Variants in BBX observed in about 807,000 individuals in gnomAD.
The protein encoded by BBX is BBX high mobility group box domain containing.
A neutral mutation model predicts 100.2 loss-of-function variants in BBX; 30 were observed. The observed-to-expected ratio is 0.30, with a 90% CI of 0.22 to 0.41. The LOEUF is 0.41. Ranked by LOEUF, BBX falls within the 10% of genes least tolerant of loss-of-function variation. The probability of loss-of-function intolerance (pLI) is 1.00; values close to 1 mark genes in which losing one functional copy is unlikely to be tolerated. For missense variants in BBX, 1,023 were observed against 1,129.8 expected, an observed-to-expected ratio of 0.91 and a Z score of 1.35; for synonymous variants, 376 against 388.1, an observed-to-expected ratio of 0.97 and a Z score of 0.37.
At chr3:107,754,618 A>G (rs942588349) in intron 9 of BBX, among the ~76,000 whole-genome samples, 9 of 152,194 alleles carry the variant, frequency 5.9e-5, no homozygotes, top group African/African-American at 1.9e-4. Flanking sequence ...TCCTGGAGCT[A>G]ACAACTTCGT....
At chr3:107,796,758 C>A (rs779446019) in intron 15 of BBX, among the ~76,000 whole-genome samples, 1 of 151,792 alleles carries the variant, frequency 6.6e-6, no homozygotes, top group Non-Finnish European at 1.5e-5. Flanking sequence ...CCACCACTGG[C>A]CTATGTTAAG....
intron 10 of BBX, among the ~76,000 whole-genome samples, chr3:107,769,227 T>TAGACAGACAGAC (rs755263869): frequency 1.1e-5 from 1 of 89,786 alleles, no homozygotes; most frequent in African/African-American, 3.9e-5. Context: ...GATAGATAGA[T>TAGACAGACAGAC]AGACAGATAG....
chr3:107,759,432 CG>C (rs2065729406), intron 10 of BBX, among the ~76,000 whole-genome samples: 1 of 152,072 alleles, frequency 6.6e-6, no homozygotes, highest in East Asian at 1.9e-4. Context: ...TGTTTCCTTT[CG>C]TTTTGAAATT....
intron 2 of BBX, among the ~76,000 whole-genome samples, chr3:107,566,560 T>TG: frequency 1.3e-5 from 2 of 151,782 alleles, no homozygotes; most frequent in Admixed American, 1.3e-4. Context: ...TTTTTTGTTT[T>TG]TTTTTTTTTT....
intron 2 of BBX, among the ~76,000 whole-genome samples, chr3:107,602,918 T>G (rs1434756804): frequency 6.6e-6 from 1 of 152,136 alleles, no homozygotes; most frequent in Non-Finnish European, 1.5e-5. Flanking sequence ...AAAGCAGTGG[T>G]GGGGTTTAAG....
At chr3:107,640,149 G>T (rs1177461432) in intron 2 of BBX, among the ~76,000 whole-genome samples, 1 of 152,162 alleles carries the variant, frequency 6.6e-6, no homozygotes, top group African/African-American at 2.4e-5. Flanking sequence ...GCTCAGAGAG[G>T]CTTAGGAATT....
intron 2 of BBX, among the ~76,000 whole-genome samples, chr3:107,531,112 G>A (rs2048130736): frequency 1.3e-5 from 2 of 152,188 alleles, no homozygotes; most frequent in Non-Finnish European, 2.9e-5. Flanking sequence ...CAGTACAAAG[G>A]ACAGATGGCC....
intron 12 of BBX, among the ~76,000 whole-genome samples, chr3:107,776,017 A>G (rs1394263983): frequency 1.3e-5 from 2 of 152,160 alleles, no homozygotes. Context: ...TGCTTAAGTA[A>G]TGACATGAAA....
intron 15 of BBX, among the ~76,000 whole-genome samples, chr3:107,794,824 G>A (rs1305409740): frequency 6.6e-6 from 1 of 152,096 alleles, no homozygotes; most frequent in Non-Finnish European, 1.5e-5. Context: ...GGCCTCATGG[G>A]GTACAATACA....
chr3:107,638,597 C>T (rs1559903859), intron 2 of BBX: 1 of 151,918 alleles, frequency 6.6e-6, no homozygotes, highest in Non-Finnish European at 1.5e-5. Flanking sequence ...GGTACTTTTT[C>T]TGGACAGTAC....
chr3:107,709,226 C>T (rs1206382052), intron 3 of BBX, among the ~76,000 whole-genome samples: 2 of 152,038 alleles, frequency 1.3e-5, no homozygotes, highest in Non-Finnish European at 2.9e-5. Flanking sequence ...TGAAGTTGTA[C>T]AAGTTCTAGG....
chr3:107,697,903 G>A (rs941658807), intron 3 of BBX, among the ~76,000 whole-genome samples: 6 of 151,918 alleles, frequency 3.9e-5, no homozygotes, highest in Non-Finnish European at 8.8e-5. Flanking sequence ...CTGCTGCTGC[G>A]CCATTTTTTA....
intron 2 of BBX, among the ~76,000 whole-genome samples, chr3:107,558,616 T>G (rs146697221): frequency 6.6e-6 from 1 of 152,182 alleles, no homozygotes; most frequent in Non-Finnish European, 1.5e-5. Flanking sequence ...GCAAGTTGGC[T>G]CTCAAGCAGC....
rs376683749 is a variant in BBX, at chr3:107,666,900, C to T, written c.-10+20991C>T. Among the ~76,000 whole-genome samples, 27 of 152,276 alleles carry T rather than the reference C, an allele frequency of 1.8e-4. No individual in the cohort carries two copies. In the South Asian group the frequency reaches 4.8e-3, roughly 27 times the overall value. On this transcript the variant is annotated intron_variant, in intron 3 of 17. Transcript: ENST00000325805. ...TATAAAATTATTTATTATTGAAAGC[C>T]TAGCTGTTAACCTCCTACCCCCAGC...
Position 107,532,783 on chromosome 3 carries a change from T to A in BBX, c.-84+6385T>A, listed in dbSNP as rs1406715786. ...TGAATAAATCAAAATTAAGTGACTT[T>A]GGCATTTCCTAATTTTTAAGGTTAT... On this transcript the variant is annotated intron_variant, in intron 2 of 17. Coordinates refer to ENST00000325805, the MANE Select transcript of BBX (RefSeq NM_001142568.3). 2.0e-5 allele frequency among the ~76,000 whole-genome samples: 3 copies of A among 152,238 alleles called. 1 individual carries two copies. Among genetic ancestry groups the A allele is most frequent in the South Asian group, 4.1e-4 (2 of 4,828 alleles).
intron 17 of BBX, among the ~76,000 whole-genome samples, chr3:107,802,713 T>C (rs763694788): frequency 7.9e-5 from 12 of 152,234 alleles, no homozygotes; most frequent in Non-Finnish European, 1.5e-4. Context: ...CAGCCCTCCA[T>C]GGTTCCCAAT....
intron 2 of BBX, among the ~76,000 whole-genome samples, chr3:107,612,204 A>G (rs1045219582): frequency 1.3e-5 from 2 of 152,154 alleles, no homozygotes; most frequent in African/African-American, 4.8e-5. Context: ...CTCTGTGGTC[A>G]CATGGTTCTG....
At chr3:107,743,918 G>GTTTTTTTTTTTTTTTTTTTTTTTTATTT (rs2064329710) in intron 7 of BBX, among the ~76,000 whole-genome samples, 3 of 56,622 alleles carry the variant, frequency 5.3e-5, no homozygotes, top group African/African-American at 7.0e-5. Context: ...TGTTTTAGTG[G>GTTTTTTTTTTTTTTTTTTTTTTTTATTT]TTTTTTTTTT....
At chr3:107,554,576 G>A (rs2049942678) in intron 2 of BBX, among the ~76,000 whole-genome samples, 1 of 152,166 alleles carries the variant, frequency 6.6e-6, no homozygotes, top group Non-Finnish European at 1.5e-5. Context: ...ATGGTTACTT[G>A]CGGAGTTTAA....
Sources: allele counts gnomAD v4.1 joint callset (sites outside exome capture counted in the v4.1 genomes callset), GRCh38; gene constraint gnomAD v4.1.1; transcripts MANE v1.5; gene names NCBI Gene and HGNC (gene_info 2026-07-23, HGNC 2026-07-21).